The following PRKCI variants were observed in gnomAD, a reference collection of about 807,000 sequenced individuals.
The protein encoded by PRKCI is protein kinase C iota type.
PRKCI carries 43 observed loss-of-function variants against 84.0 expected under a neutral mutation model. The observed-to-expected ratio is 0.51, with a 90% confidence interval of 0.40 to 0.66. The LOEUF is 0.66. Ranked by LOEUF, PRKCI falls within the 30% of genes least tolerant of loss-of-function variation. PRKCI has a pLI of 0.00. For missense variants in PRKCI, 459 were observed against 745.6 expected, an observed-to-expected ratio of 0.62 and a Z score of 4.48; for synonymous variants, 216 against 234.4, an observed-to-expected ratio of 0.92 and a Z score of 0.72.
intron 13 of PRKCI, among the ~76,000 whole-genome samples, chr3:170,292,766 G>A (rs1331591401): frequency 6.6e-6 from 1 of 150,776 alleles, no homozygotes; most frequent in East Asian, 2.0e-4. Flanking sequence ...ATATAGCCGG[G>A]CGCGGTGGCT....
chr3:170,283,646 G>A (rs771159796), intron 11 of PRKCI, among the ~76,000 whole-genome samples: 3 of 151,648 alleles, frequency 2.0e-5, no homozygotes, highest in African/African-American at 2.4e-5. Flanking sequence ...TCAGTTGAAT[G>A]TGGGAAAGCT....
intron 17 of PRKCI, among the ~76,000 whole-genome samples, chr3:170,301,137 G>A (rs1734808895): frequency 6.6e-6 from 1 of 152,178 alleles, no homozygotes; most frequent in Non-Finnish European, 1.5e-5. Flanking sequence ...CTCCCCAAAA[G>A]CGTGCTGTCT....
intron 2 of PRKCI, among the ~76,000 whole-genome samples, chr3:170,247,143 C>T (rs556439621): frequency 2.2e-4 from 34 of 151,970 alleles, no homozygotes; most frequent in African/African-American, 8.2e-4. Flanking sequence ...CTCACTGCAG[C>T]CTTGACCTCC....
intron 10 of PRKCI, 88 bp from the exon 11 acceptor site, chr3:170,281,794 T>C (rs1419665346): frequency 6.8e-7 from 1 of 1,470,052 alleles, no homozygotes; most frequent in Non-Finnish European, 9.0e-7. Context: ...TAGTAGAGAA[T>C]GCTCTCTGTT....
chr3:170,234,064 G>C (rs548165486), intron 1 of PRKCI, among the ~76,000 whole-genome samples: 1 of 82,726 alleles, frequency 1.2e-5, no homozygotes, highest in African/African-American at 4.8e-5. Context: ...ATGGAGTTTC[G>C]CTCTTGTTGC....
chr3:170,259,800 C>A (rs914569055), intron 2 of PRKCI, among the ~76,000 whole-genome samples, 169 bp from the exon 3 acceptor site: 1 of 152,204 alleles, frequency 6.6e-6, no homozygotes, highest in Middle Eastern at 3.4e-3. Context: ...GAGCAAAACT[C>A]TGTCTCCAAA....
intron 12 of PRKCI, 66 bp from the exon 13 acceptor site, chr3:170,291,788 T>C: frequency 7.9e-7 from 1 of 1,267,760 alleles, no homozygotes; most frequent in Non-Finnish European, 1.2e-6. Flanking sequence ...ATAGGTGAAA[T>C]AGAAAGGGTG....
chr3:170,247,106 G>T (rs1436473204), intron 2 of PRKCI, among the ~76,000 whole-genome samples: 2 of 151,996 alleles, frequency 1.3e-5, no homozygotes, highest in African/African-American at 4.8e-5. Context: ...CAGAGTCTTT[G>T]CCTGGAGTGC....
intron 17 of PRKCI, among the ~76,000 whole-genome samples, 181 bp downstream of exon 17, chr3:170,299,291 A>G (rs1012264066): frequency 3.9e-5 from 6 of 152,124 alleles, no homozygotes; most frequent in Admixed American, 2.6e-4. Flanking sequence ...CAGTGGTGCA[A>G]TCTCGGCTCA....
intron 1 of PRKCI, among the ~76,000 whole-genome samples, chr3:170,225,726 A>C (rs1182491881): frequency 6.6e-6 from 1 of 151,686 alleles, no homozygotes; most frequent in Non-Finnish European, 1.5e-5. Flanking sequence ...CTTTTCTAAC[A>C]ATATTTCTTT....
chr3:170,223,652 T>TA (rs1732554980), intron 1 of PRKCI, among the ~76,000 whole-genome samples: 1 of 152,160 alleles, frequency 6.6e-6, no homozygotes, highest in South Asian at 2.1e-4. Flanking sequence ...TTAGGAGCAT[T>TA]AGAAACGTGA....
chr3:170,281,807 G>A lies in PRKCI; in HGVS notation c.981-75G>A, dbSNP rs564410874. Reference sequence around the variant, plus strand: ...AATAGTAGAGAATGCTCTCTGTTGTGATGGTTTCTGAAAATGCAAAGTTAC... The same window carrying A: ...AATAGTAGAGAATGCTCTCTGTTGTAATGGTTTCTGAAAATGCAAAGTTAC... On this transcript the variant is annotated intron_variant, in intron 10 of 17. Coordinates refer to ENST00000295797, the MANE Select transcript of PRKCI (RefSeq NM_002740.6). 4.6e-5 allele frequency: 69 copies of A among 1,505,032 alleles called. No individual in the cohort carries two copies. The African/African-American group carries it at 8.1e-4, about 18-fold the overall frequency. 93.2% of individuals were successfully genotyped at this position (1,505,032 alleles called of 1,614,324 possible). A position where few individuals can be genotyped will look rare whatever the true frequency, so the allele number is the denominator to read the frequency against.
Position 170,305,664 on chromosome 3 carries a change from A to G in PRKCI, c.*2537A>G, listed in dbSNP as rs868293431. 5.3e-5 allele frequency: 8 copies of G among 152,190 alleles called. No individual in the cohort carries two copies. Among genetic ancestry groups the G allele is most frequent in the East Asian group, 1.9e-4 (1 of 5,196 alleles). 9.4% of individuals were successfully genotyped at this position (152,190 alleles called of 1,614,324 possible). A position where few individuals can be genotyped will look rare whatever the true frequency, so the allele number is the denominator to read the frequency against. On this transcript the variant is annotated 3_prime_UTR_variant, in exon 18 of 18. Coordinates refer to ENST00000295797, the MANE Select transcript of PRKCI (RefSeq NM_002740.6). ...TTTGCAGTCTTTAAGTGCCATGCCA[A>G]TTGTTCTTATATTCTATAGAAGTTC...
chr3:170,297,640 TG>T (rs369204401), intron 16 of PRKCI, among the ~76,000 whole-genome samples: 3 of 147,914 alleles, frequency 2.0e-5, no homozygotes, highest in Non-Finnish European at 4.5e-5. Flanking sequence ...TTAGTAGAGA[TG>T]GGGGGGGTTT....
intron 2 of PRKCI, among the ~76,000 whole-genome samples, chr3:170,237,936 T>A (rs1440865886): frequency 6.6e-6 from 1 of 152,240 alleles, no homozygotes; most frequent in African/African-American, 2.4e-5. Context: ...CGTGTATGTA[T>A]GTTTCTATAA....
rs142883769 is a variant in PRKCI, at chr3:170,263,362, C to T, written c.314-17C>T. The T allele has an allele frequency of 2.4e-5, 38 of 1,585,658 alleles. No individual in the cohort carries two copies. The highest frequency in any genetic ancestry group is 4.0e-5 in the African/African-American group (3 of 74,360). On this transcript the variant is annotated splice_polypyrimidine_tract_variant and intron_variant, in intron 3 of 17. Coordinates refer to ENST00000295797, the MANE Select transcript of PRKCI (RefSeq NM_002740.6). ...TTTAAATATGCTGTTAACTCATGTT[C>T]GTTTATTTTCTTTCAGTGTTCCCTT...
intron 2 of PRKCI, among the ~76,000 whole-genome samples, chr3:170,243,072 G>A (rs1178070112): frequency 6.6e-6 from 1 of 151,836 alleles, no homozygotes. Context: ...ACATATATAT[G>A]TATACATAAT....
intron 1 of PRKCI, among the ~76,000 whole-genome samples, chr3:170,225,028 C>G (rs1231155577): frequency 6.6e-6 from 1 of 152,152 alleles, no homozygotes; most frequent in African/African-American, 2.4e-5. Context: ...AGCAAATTAT[C>G]TTGGCTTATT....
intron 14 of PRKCI, among the ~76,000 whole-genome samples, chr3:170,293,793 C>T (rs1646495205): frequency 6.6e-6 from 1 of 152,060 alleles, no homozygotes; most frequent in Admixed American, 6.6e-5. Flanking sequence ...ACTGGGATTA[C>T]AGGCACACTC....
Sources: allele counts gnomAD v4.1 joint callset (sites outside exome capture counted in the v4.1 genomes callset), GRCh38; gene constraint gnomAD v4.1.1; transcripts MANE v1.5; gene names NCBI Gene and HGNC (gene_info 2026-07-23, HGNC 2026-07-21).